Variants in ANKRD30BL observed in about 807,000 individuals in gnomAD.
ANKRD30BL encodes ankyrin repeat domain 30B like, also known as putative ankyrin repeat domain-containing protein 30B-like.
In ANKRD30BL, 20 loss-of-function variants were observed where a neutral mutation model predicts 18.4. The ratio of observed to expected loss-of-function variants is 1.09; its 90% CI spans 0.77 to 1.58. ANKRD30BL has a LOEUF of 1.58. ANKRD30BL is among the 40% of genes most tolerant of loss of function. The pLI is 0.00. For missense variants in ANKRD30BL, 224 were observed against 268.6 expected (o/e 0.83, Z 1.16); for synonymous variants, 72 against 100.9 (o/e 0.71, Z 1.72).
chr2:132,211,143 C>T (rs1679337022), intron 1 of ANKRD30BL, among the ~76,000 whole-genome samples: 1 of 151,744 alleles, frequency 6.6e-6, no homozygotes. Flanking sequence ...TTTGATTTAG[C>T]TGCTTTCAAA....
chr2:132,188,731 C>A (rs1678773354), intron 1 of ANKRD30BL, among the ~76,000 whole-genome samples: 1 of 147,300 alleles, frequency 6.8e-6, no homozygotes, highest in Non-Finnish European at 1.5e-5. Flanking sequence ...ACAACAACAA[C>A]AACAACAAAT....
chr2:132,183,668 T>C (rs1688513289), intron 1 of ANKRD30BL, among the ~76,000 whole-genome samples: 1 of 152,112 alleles, frequency 6.6e-6, no homozygotes, highest in Non-Finnish European at 1.5e-5. Context: ...GTGGTGGCAA[T>C]ATATGCATGT....
At chr2:132,237,301 C>G (rs1680176234) in intron 1 of ANKRD30BL, among the ~76,000 whole-genome samples, 1 of 151,810 alleles carries the variant, frequency 6.6e-6, no homozygotes, top group South Asian at 2.1e-4. Context: ...TAGACAGAAG[C>G]ATTCTCACAA....
chr2:132,165,097 A>AC (rs1688162060), upstream of ANKRD30BL, among the ~76,000 whole-genome samples: 1 of 151,982 alleles, frequency 6.6e-6, no homozygotes, highest in Non-Finnish European at 1.5e-5. Context: ...ACAAAAAAAA[A>AC]CGCAAATGCA....
At chr2:132,179,731 T>C (rs1688429247) in intron 1 of ANKRD30BL, among the ~76,000 whole-genome samples, 1 of 152,134 alleles carries the variant, frequency 6.6e-6, no homozygotes, top group African/African-American at 2.4e-5. Flanking sequence ...ATGTGTGTTA[T>C]TGCCCCAAGG....
chr2:132,166,487 G>A (rs574751481), upstream of ANKRD30BL, among the ~76,000 whole-genome samples: 13 of 152,106 alleles, frequency 8.5e-5, no homozygotes, highest in East Asian at 5.8e-4. Flanking sequence ...AGATATAAGC[G>A]TACTCATGTT....
chr2:132,233,168 A>G (rs1680067155), intron 1 of ANKRD30BL, among the ~76,000 whole-genome samples: 3 of 151,532 alleles, frequency 2.0e-5, no homozygotes, highest in Non-Finnish European at 4.4e-5. Flanking sequence ...CCTGCCCTAA[A>G]AGAGCTCCTG....
chr2:132,205,223 A>C (rs1679186812), intron 1 of ANKRD30BL, among the ~76,000 whole-genome samples: 1 of 152,170 alleles, frequency 6.6e-6, no homozygotes, highest in Non-Finnish European at 1.5e-5. Context: ...TCAATCAGGG[A>C]AACATTGGTG....
At chr2:132,258,013 C>T (rs1320000869), upstream of ANKRD30BL, 4 of 152,846 alleles carry the variant, frequency 2.6e-5, no homozygotes, top group Non-Finnish European at 5.9e-5. Context: ...TGCGCAGCCG[C>T]CAGAGGGGAG....
intron 4 of ANKRD30BL, among the ~76,000 whole-genome samples, chr2:132,154,417 C>CAT (rs1687845238): frequency 6.6e-6 from 1 of 152,102 alleles, no homozygotes; most frequent in Non-Finnish European, 1.5e-5. Context: ...GATAATGCAA[C>CAT]CAAAAACATC....
chr2:132,206,572 C>A (rs534003336), intron 1 of ANKRD30BL, among the ~76,000 whole-genome samples: 1,921 of 152,166 alleles, frequency 0.013, 7 homozygotes, highest in Middle Eastern at 0.02. Context: ...GGATGAAGTG[C>A]ATGTAGAGTA....
intron 1 of ANKRD30BL, among the ~76,000 whole-genome samples, chr2:132,194,554 T>C (rs901793476): frequency 7.2e-5 from 11 of 152,190 alleles, no homozygotes; most frequent in African/African-American, 2.2e-4. Flanking sequence ...CACAGTGACC[T>C]AAGCCAAAGC....
At chr2:132,195,788 C>CAAAAAAA (rs1205804103) in intron 1 of ANKRD30BL, among the ~76,000 whole-genome samples, 108 of 48,634 alleles carry the variant, frequency 2.2e-3, no homozygotes, top group African/African-American at 5.5e-3. Flanking sequence ...GAGCCTCTGC[C>CAAAAAAA]AAAAAAAAAA....
intron 1 of ANKRD30BL, among the ~76,000 whole-genome samples, chr2:132,158,264 A>G (rs1227202324): frequency 6.6e-6 from 1 of 152,130 alleles, no homozygotes; most frequent in Non-Finnish European, 1.5e-5. Flanking sequence ...TATTTTTAAA[A>G]CTTCAAGCCA....
At chr2:132,155,506 A>G (rs575380942) in intron 3 of ANKRD30BL, 4 of 152,284 alleles carry the variant, frequency 2.6e-5, no homozygotes, top group African/African-American at 9.6e-5. Flanking sequence ...TCTAAATTAA[A>G]AGAGATTGGC....
chr2:132,256,774 G>A (rs75158493), intron 1 of ANKRD30BL, among the ~76,000 whole-genome samples: 1 of 152,238 alleles, frequency 6.6e-6, no homozygotes, highest in Non-Finnish European at 1.5e-5. Flanking sequence ...CGGACAACGG[G>A]CCAACCAGTG....
chr2:132,247,719 A>G (rs1680542036), intron 1 of ANKRD30BL, among the ~76,000 whole-genome samples: 1 of 152,042 alleles, frequency 6.6e-6, no homozygotes, highest in Non-Finnish European at 1.5e-5. Context: ...ATCATAAGGA[A>G]GTTTCCCAGA....
At chr2:132,201,695 G>A (rs1181250888) in intron 1 of ANKRD30BL, among the ~76,000 whole-genome samples, 1 of 152,196 alleles carries the variant, frequency 6.6e-6, no homozygotes, top group East Asian at 1.9e-4. Flanking sequence ...CTGTTGGTGG[G>A]ACTGTAAACT....
At chr2:132,245,257 TA>T (rs1680464322) in intron 1 of ANKRD30BL, among the ~76,000 whole-genome samples, 1 of 152,162 alleles carries the variant, frequency 6.6e-6, no homozygotes, top group African/African-American at 2.4e-5. Flanking sequence ...GCCTTTGCTG[TA>T]AACGGGAATA....
Sources: gnomAD v4.1 joint callset for allele counts (sites outside exome capture counted in the v4.1 genomes callset) on GRCh38, gnomAD v4.1.1 for gene constraint, MANE v1.5 for transcripts, NCBI Gene and HGNC (gene_info 2026-07-23, HGNC 2026-07-21) for gene names.